SLC22A8: variants seen among roughly 807,000 people sequenced by gnomAD.
SLC22A8 encodes the protein organic anion transporter 3.
Under a neutral mutation model 48.4 loss-of-function variants are expected in SLC22A8, and 40 were observed. That is an observed-to-expected ratio of 0.83 (90% confidence interval 0.64 to 1.08). The LOEUF is 1.08. SLC22A8 is among the 50% of genes least tolerant of loss of function. The pLI is 0.00. For synonymous variants in SLC22A8, 268 were observed against 286.3 expected (o/e 0.94, Z 0.65); for missense variants, 606 against 699.0 (o/e 0.87, Z 1.50).
At chr11:63,000,239 T>A (rs916140413) in intron 3 of SLC22A8, among the ~76,000 whole-genome samples, 1 of 152,100 alleles carries the variant, frequency 6.6e-6, no homozygotes, top group African/African-American at 2.4e-5. Context: ...ATCCCGGCAC[T>A]TTGGGAGGCC....
chr11:62,999,556 G>T, intron 4 of SLC22A8, 132 bp downstream of exon 4: 1 of 646,670 alleles, frequency 1.5e-6, no homozygotes, highest in Non-Finnish European at 2.6e-6. Context: ...AGGCCTCTGA[G>T]GTCCTGAGAG....
Position 62,994,528 on chromosome 11 carries a change from C to T in SLC22A8, c.1216+14G>A, listed in dbSNP as rs1359431824. 2 of 1,579,972 alleles carry T rather than the reference C, an allele frequency of 1.3e-6. No homozygotes were observed. Among genetic ancestry groups the T allele is most frequent in the African/African-American group, 2.7e-5 (2 of 74,408 alleles). Reference sequence around the variant, plus strand: ...CCTCTTCCAGAGGGTTCTGGGGTAGCCCCAGTCTCTCACCCAAGGGCACAA... The same window carrying T: ...CCTCTTCCAGAGGGTTCTGGGGTAGTCCCAGTCTCTCACCCAAGGGCACAA... On this transcript the variant is annotated intron_variant, in intron 8 of 10. Coordinates refer to ENST00000336232, the MANE Select transcript of SLC22A8 (RefSeq NM_004254.4).
At chr11:63,013,838 C>T (rs1289968877) in intron 2 of SLC22A8, among the ~76,000 whole-genome samples, 2 of 152,158 alleles carry the variant, frequency 1.3e-5, no homozygotes, top group African/African-American at 4.8e-5. Context: ...ACATGCCAAT[C>T]CCCAATTTCT....
At chr11:63,000,165 C>G (rs2086475389) in intron 3 of SLC22A8, among the ~76,000 whole-genome samples, 1 of 152,160 alleles carries the variant, frequency 6.6e-6, no homozygotes, top group African/African-American at 2.4e-5. Context: ...GTCCCAAAAC[C>G]TGGAGGTTTT....
At chr11:63,011,494 G>A (rs2086618647) in intron 2 of SLC22A8, among the ~76,000 whole-genome samples, 1 of 152,124 alleles carries the variant, frequency 6.6e-6, no homozygotes, top group African/African-American at 2.4e-5. Context: ...GGTCTCAGGT[G>A]CACGGCAAGT....
At chr11:63,007,477 C>A (rs1456359173) in intron 2 of SLC22A8, among the ~76,000 whole-genome samples, 1 of 152,164 alleles carries the variant, frequency 6.6e-6, no homozygotes, top group Non-Finnish European at 1.5e-5. Context: ...AGGCACCCAC[C>A]ACCATGCCTG....
intron 6 of SLC22A8, 89 bp downstream of exon 6, chr11:62,995,940 T>G (rs1590688926): frequency 1.3e-6 from 2 of 1,585,560 alleles, no homozygotes; most frequent in Non-Finnish European, 1.7e-6. Context: ...GTATAGGCTG[T>G]GAGCCAGGGG....
At position 63,015,053 on chromosome 11, in the gene SLC22A8, T is replaced by C. The variant is rs568815392; in HGVS notation, c.-25-70A>G. On this transcript the variant is annotated intron_variant, in intron 1 of 10. Transcript: ENST00000336232. ...TAGTGCGTGGGTCTATGGAACGATATGTGGGAGGGTGAACCAGGTGGATAT... is the reference window on the plus strand; with the variant it reads ...TAGTGCGTGGGTCTATGGAACGATACGTGGGAGGGTGAACCAGGTGGATAT... 2.2e-4 allele frequency: 225 copies of C among 1,028,978 alleles called. 4 individuals carry two copies. In the South Asian group the frequency reaches 3.5e-3, roughly 16 times the overall value. The allele number at this position is 1,028,978 out of a possible 1,614,324, so 63.7% of individuals were successfully genotyped here.
At chr11:63,004,602 A>G (rs774002491) in intron 2 of SLC22A8, among the ~76,000 whole-genome samples, 1 of 152,082 alleles carries the variant, frequency 6.6e-6, no homozygotes, top group Non-Finnish European at 1.5e-5. Flanking sequence ...AGCAGCCTAT[A>G]CCTCTCTACC....
Position 62,993,764 on chromosome 11 carries a change from A to C in SLC22A8, c.1325+6T>G. 6.2e-7 allele frequency: 1 copy of C among 1,607,252 alleles called. No homozygotes were observed. Among genetic ancestry groups the C allele is most frequent in the Non-Finnish European group, 8.5e-7 (1 of 1,173,668 alleles). On this transcript the variant is annotated splice_donor_region_variant and intron_variant, in intron 9 of 10. Coordinates refer to ENST00000336232, the MANE Select transcript of SLC22A8 (RefSeq NM_004254.4). ...GGCTGGGCCTGGCCCCAGGTCCAGC[A>C]CCTACCTGATGACTGTGGGGTATAA...
At chr11:62,999,658 A>G in intron 4 of SLC22A8, 30 bp downstream of exon 4, 6 of 1,459,358 alleles carry the variant, frequency 4.1e-6, no homozygotes, top group Non-Finnish European at 5.5e-6. Context: ...TGCTCCCCAA[A>G]GCCCAGCTCC....
chr11:62,994,162 C>A, intron 8 of SLC22A8: 3 of 527,342 alleles, frequency 5.7e-6, no homozygotes, highest in Non-Finnish European at 1.0e-5. Context: ...CAACTAACAC[C>A]CATATAAAAT....
intron 7 of SLC22A8, chr11:62,995,481 G>A: frequency 1.7e-6 from 1 of 572,830 alleles, no homozygotes; most frequent in South Asian, 2.1e-5. Flanking sequence ...TGAGGGGTGG[G>A]GCATTGTGAC....
At position 62,993,387 on chromosome 11, in the gene SLC22A8, G is replaced by A. The variant is rs11568485; in HGVS notation, c.1529+37C>T. On this transcript the variant is annotated intron_variant, in intron 10 of 10. Coordinates refer to ENST00000336232, the MANE Select transcript of SLC22A8 (RefSeq NM_004254.4). ...CCCTGGGCCCAGACCTGCTTCCCCA[G>A]GGAGGAGCACTGATGGGGCCAGAGG... is the stretch of plus-strand genomic sequence containing the variant. The A allele has an allele frequency of 3.8e-5, 62 of 1,612,812 alleles. 2 individuals carry two copies. The East Asian group carries it at 4.0e-4, about 10-fold the overall frequency.
chr11:63,005,883 T>C (rs894044260), intron 2 of SLC22A8, among the ~76,000 whole-genome samples: 3 of 152,312 alleles, frequency 2.0e-5, no homozygotes, highest in Admixed American at 6.5e-5. Flanking sequence ...TTGTGCTTTG[T>C]TATGGTAGCC....
At chr11:63,002,570 A>G (rs1205089805) in intron 2 of SLC22A8, among the ~76,000 whole-genome samples, 1 of 151,332 alleles carries the variant, frequency 6.6e-6, no homozygotes, top group Non-Finnish European at 1.5e-5. Flanking sequence ...CCATCATTCT[A>G]CTCTCTACTT....
At chr11:62,993,944 G>T in intron 8 of SLC22A8, 66 bp from the exon 9 acceptor site, 1 of 976,588 alleles carries the variant, frequency 1.0e-6, no homozygotes, top group Non-Finnish European at 1.7e-6. Context: ...TCACTCCTTA[G>T]CTGATCTTGT....
chr11:63,004,727 T>G (rs557951129), intron 2 of SLC22A8, among the ~76,000 whole-genome samples: 24 of 152,384 alleles, frequency 1.6e-4, no homozygotes, highest in Admixed American at 4.6e-4. Context: ...GATAAGGCTT[T>G]TAGTCTGTTT....
At chr11:63,012,067 G>A (rs1240403891) in intron 2 of SLC22A8, among the ~76,000 whole-genome samples, 1 of 150,336 alleles carries the variant, frequency 6.7e-6, no homozygotes, top group East Asian at 2.0e-4. Flanking sequence ...TTGGCTCACT[G>A]CAACCTCCGC....
Sources: allele counts gnomAD v4.1 joint callset (sites outside exome capture counted in the v4.1 genomes callset), GRCh38; gene constraint gnomAD v4.1.1; transcripts MANE v1.5; gene names NCBI Gene and HGNC (gene_info 2026-07-23, HGNC 2026-07-21).